Variants in DIAPH3 observed in about 807,000 individuals in gnomAD.
The protein encoded by DIAPH3 is protein diaphanous homolog 3.
In DIAPH3, 117 loss-of-function variants were observed where a neutral mutation model predicts 144.3. That is an observed-to-expected ratio of 0.81 (90% CI 0.70 to 0.95). The LOEUF is 0.95. Among genes scored for constraint, DIAPH3 ranks in the 40% least tolerant of loss-of-function variants. DIAPH3 has a pLI of 0.00. For missense variants in DIAPH3, 1,421 were observed against 1,412.7 expected (o/e 1.01, Z -0.09); for synonymous variants, 519 against 488.9 (o/e 1.06, Z -0.81).
chr13:59,809,425 C>A (rs1057307938), intron 25 of DIAPH3, among the ~76,000 whole-genome samples: 2 of 151,712 alleles, frequency 1.3e-5, no homozygotes, highest in Admixed American at 6.6e-5. Context: ...TCCCTCGAAC[C>A]CAGGAGGCAG....
chr13:59,666,835 C>T lies in DIAPH3; in HGVS notation c.3331G>A (p.Val1111Met), dbSNP rs751961109. 1.9e-6 allele frequency: 3 copies of T among 1,614,060 alleles called. No homozygotes were observed. The highest frequency in any genetic ancestry group is 1.1e-5 in the South Asian group (1 of 91,074). ...GAACGTGACCCTTCTGTCAACTGCACTTTCTGATTTTCTACAGTAAGGAAA... is the reference window on the plus strand; with the variant it reads ...GAACGTGACCCTTCTGTCAACTGCATTTTCTGATTTTCTACAGTAAGGAAA... Reference protein sequence around the residue: ...LKVCNHENQKVQLTEGSRSHY... With the variant: ...LKVCNHENQKMQLTEGSRSHY... The change falls in exon 28 of 28, where the codon GTG (valine) becomes ATG (methionine). Residue 1111 changes from valine (V) to methionine (M), a missense_variant. Physicochemically the swap from Val to Met is conservative, Grantham distance 21. Coordinates refer to ENST00000400324, the MANE Select transcript of DIAPH3 (RefSeq NM_001042517.2).
Position 59,991,174 on chromosome 13 carries a change from T to A in DIAPH3, c.1345A>T (p.Asn449Tyr). The change falls in exon 12 of 28, where the codon AAT becomes TAT. Residue 449 changes from asparagine to tyrosine, a missense_variant. Physicochemically the swap from Asn to Tyr is moderately radical, Grantham distance 143 (BLOSUM62 -2). Transcript: ENST00000400324. ...TCCTCTTACCTTATAAAATAATCAT[T>A]TCGAATCAGCAAAAGATGCTGAAGA... ...SILQHLLLIR[N>Y]DYFIRQQYFK... 1 of 1,602,862 alleles carries A rather than the reference T, an allele frequency of 6.2e-7. No individual in the cohort carries two copies. The highest frequency in any genetic ancestry group is 8.5e-7 in the Non-Finnish European group (1 of 1,171,570).
intron 5 of DIAPH3, among the ~76,000 whole-genome samples, chr13:60,029,617 TGAA>T (rs920998741): frequency 6.6e-6 from 1 of 152,206 alleles, no homozygotes; most frequent in Non-Finnish European, 1.5e-5. Flanking sequence ...TGCCACCCTG[TGAA>T]GAAGGTGCCT....
intron 22 of DIAPH3, among the ~76,000 whole-genome samples, chr13:59,842,062 T>A (rs890376493): frequency 1.8e-4 from 27 of 152,220 alleles, no homozygotes; most frequent in African/African-American, 6.3e-4. Context: ...TAAACAGATA[T>A]AATTTTCACA....
At chr13:60,009,284 G>A (rs970408360) in intron 8 of DIAPH3, among the ~76,000 whole-genome samples, 1 of 152,134 alleles carries the variant, frequency 6.6e-6, no homozygotes, top group African/African-American at 2.4e-5. Flanking sequence ...CTCACAGTTC[G>A]TGGACATGGG....
At chr13:60,146,296 T>C (rs1279455969) in intron 1 of DIAPH3, among the ~76,000 whole-genome samples, 1 of 152,176 alleles carries the variant, frequency 6.6e-6, no homozygotes, top group Non-Finnish European at 1.5e-5. Flanking sequence ...CTATAAAATA[T>C]GGTACCTGCC....
At chr13:59,923,272 T>C (rs1355303219) in intron 18 of DIAPH3, among the ~76,000 whole-genome samples, 3 of 152,182 alleles carry the variant, frequency 2.0e-5, no homozygotes, top group African/African-American at 7.2e-5. Context: ...CACTAGTAAT[T>C]TGTAATGCAG....
At chr13:60,004,737 C>T (rs1386953341) in intron 9 of DIAPH3, among the ~76,000 whole-genome samples, 1 of 152,024 alleles carries the variant, frequency 6.6e-6, no homozygotes, top group Non-Finnish European at 1.5e-5. Flanking sequence ...AGAACTATAT[C>T]AAGAAATTTA....
chr13:60,002,240 A>C (rs2052567089), intron 9 of DIAPH3, among the ~76,000 whole-genome samples: 1 of 152,186 alleles, frequency 6.6e-6, no homozygotes, highest in South Asian at 2.1e-4. Flanking sequence ...AATACTTCAG[A>C]CAGGACTCAT....
intron 5 of DIAPH3, among the ~76,000 whole-genome samples, chr13:60,040,226 C>CA (rs5803983): frequency 0.61 from 20,917 of 34,472 alleles, 7,087 homozygotes; most frequent in Non-Finnish European, 0.66. Flanking sequence ...GACTCCATCT[C>CA]AAAAAAAAAA....
chr13:59,814,102 T>C (rs1174975971), intron 24 of DIAPH3, among the ~76,000 whole-genome samples: 1 of 152,170 alleles, frequency 6.6e-6, no homozygotes, highest in Non-Finnish European at 1.5e-5. Flanking sequence ...TAATATATCA[T>C]GTAGCTTATT....
intron 27 of DIAPH3, among the ~76,000 whole-genome samples, chr13:59,706,182 A>G (rs1251024475): frequency 3.3e-5 from 5 of 152,148 alleles, no homozygotes; most frequent in African/African-American, 1.2e-4. Flanking sequence ...TAGTTGTTAC[A>G]CTGTATTGTT....
chr13:59,930,906 C>T (rs1424023198), intron 17 of DIAPH3, among the ~76,000 whole-genome samples: 1 of 152,100 alleles, frequency 6.6e-6, no homozygotes, highest in Non-Finnish European at 1.5e-5. Flanking sequence ...AAAGTTGATT[C>T]TGTAGTGGGA....
At chr13:59,745,174 T>C (rs984355117) in intron 27 of DIAPH3, among the ~76,000 whole-genome samples, 7 of 152,112 alleles carry the variant, frequency 4.6e-5, no homozygotes, top group African/African-American at 1.7e-4. Flanking sequence ...TTTGTCAGCA[T>C]GTTTAACAAG....
intron 2 of DIAPH3, among the ~76,000 whole-genome samples, chr13:60,117,294 A>G (rs1390533370): frequency 2.0e-5 from 3 of 152,096 alleles, no homozygotes; most frequent in East Asian, 1.9e-4. Context: ...CCCCTCTTCT[A>G]GCTTATAAAT....
At chr13:59,830,061 C>T (rs1265791627) in intron 24 of DIAPH3, among the ~76,000 whole-genome samples, 1 of 151,842 alleles carries the variant, frequency 6.6e-6, no homozygotes. Flanking sequence ...AGATCTTCAA[C>T]AAATAAAACT....
intron 27 of DIAPH3, among the ~76,000 whole-genome samples, chr13:59,725,874 G>A (rs1401727195): frequency 1.3e-5 from 2 of 152,130 alleles, no homozygotes; most frequent in African/African-American, 4.8e-5. Context: ...ACAGCAGAAA[G>A]CAACTTAAGA....
rs1184074685 is a variant in DIAPH3, at chr13:60,112,005, C to T, written c.390+5G>A. ...AAACATTTCCTAAAGAATCAAAATT[C>T]TTACCATCATTTTTTCAAAAAGTTC... On this transcript the variant is annotated splice_donor_5th_base_variant and intron_variant, in intron 3 of 27. Transcript: ENST00000400324. 3 of 1,613,660 alleles carry T rather than the reference C, an allele frequency of 1.9e-6. No individual in the cohort carries two copies. Among genetic ancestry groups the T allele is most frequent in the Non-Finnish European group, 2.5e-6 (3 of 1,179,828 alleles).
intron 4 of DIAPH3, among the ~76,000 whole-genome samples, chr13:60,057,139 G>A (rs1388754712): frequency 1.3e-5 from 2 of 151,652 alleles, no homozygotes; most frequent in Non-Finnish European, 3.0e-5. Flanking sequence ...TGATCTTATA[G>A]CTAGAAAACC....
Sources: gnomAD v4.1 joint callset for allele counts (sites outside exome capture counted in the v4.1 genomes callset) on GRCh38, gnomAD v4.1.1 for gene constraint, MANE v1.5 for transcripts, NCBI Gene and HGNC (gene_info 2026-07-23, HGNC 2026-07-21) for gene names.